PREX2: variants seen among roughly 807,000 people sequenced by gnomAD.
The protein encoded by PREX2 is phosphatidylinositol-3,4,5-trisphosphate dependent Rac exchange factor 2, also known as phosphatidylinositol 3,4,5-trisphosphate-dependent Rac exchanger 2 protein.
Under a neutral mutation model 203.2 loss-of-function variants are expected in PREX2, and 107 were observed. The ratio of observed to expected loss-of-function variants is 0.53; its 90% CI spans 0.45 to 0.62. PREX2 has a LOEUF of 0.62. PREX2 is among the 20% of genes least tolerant of loss of function. The pLI is 0.00. For synonymous variants in PREX2, 672 were observed against 663.6 expected, an observed-to-expected ratio of 1.01 and a Z score of -0.19; for missense variants, 1,777 against 1,955.9, an observed-to-expected ratio of 0.91 and a Z score of 1.72.
intron 27 of PREX2, chr8:68,118,846 AG>A (rs1810710864): frequency 1.4e-6 from 1 of 709,740 alleles, no homozygotes; most frequent in African/African-American, 1.7e-5. Flanking sequence ...TGAGTTAAAA[AG>A]CAATGAAATA....
At chr8:68,129,721 CAT>C (rs988633189) in intron 31 of PREX2, among the ~76,000 whole-genome samples, 18 of 152,036 alleles carry the variant, frequency 1.2e-4, no homozygotes, top group African/African-American at 3.6e-4. Flanking sequence ...TAATTTAAAA[CAT>C]GTGTTAGAAG....
intron 35 of PREX2, among the ~76,000 whole-genome samples, chr8:68,178,133 G>A (rs574663007): frequency 6.6e-6 from 1 of 152,150 alleles, no homozygotes; most frequent in Non-Finnish European, 1.5e-5. Flanking sequence ...ACCTTTGGGT[G>A]TATACCCAGT....
intron 4 of PREX2, among the ~76,000 whole-genome samples, chr8:68,026,808 T>G (rs1486576923): frequency 6.6e-6 from 1 of 152,108 alleles, no homozygotes. Context: ...AGAGCCTGAG[T>G]TAGAACCCAA....
At position 68,047,514 on chromosome 8, in the gene PREX2, C is replaced by CAT. The variant is rs1182364304; in HGVS notation, c.943+2935_943+2936dup. ...ATATATATATATATATATACACATA[C>CAT]ATATATATATATGTATTTTTTTAAG... is the stretch of plus-strand genomic sequence containing the variant. On this transcript the variant is annotated intron_variant, in intron 8 of 39. Transcript: ENST00000288368. 2.1e-3 allele frequency among the ~76,000 whole-genome samples: 197 copies of CAT among 94,226 alleles called. 1 individual carries two copies. The highest frequency in any genetic ancestry group is 6.0e-3 in the African/African-American group (162 of 26,886). 61.8% of individuals were successfully genotyped at this position (94,226 alleles called of 152,430 possible). A position where few individuals can be genotyped will look rare whatever the true frequency, so the allele number is the denominator to read the frequency against.
chr8:68,224,106 C>A (rs551587367), intron 38 of PREX2, among the ~76,000 whole-genome samples: 28 of 152,230 alleles, frequency 1.8e-4, no homozygotes, highest in Admixed American at 6.5e-4. Flanking sequence ...GCAGCCTCAA[C>A]CTCCTAGCCT....
chr8:68,110,363 C>T (rs1451247139), intron 25 of PREX2, among the ~76,000 whole-genome samples: 1 of 152,124 alleles, frequency 6.6e-6, no homozygotes, highest in Non-Finnish European at 1.5e-5. Flanking sequence ...TTCTCATCTA[C>T]AGAAGTGACT....
intron 34 of PREX2, among the ~76,000 whole-genome samples, chr8:68,149,654 T>C (rs910448315): frequency 2.0e-5 from 3 of 152,214 alleles, no homozygotes; most frequent in Non-Finnish European, 4.4e-5. Flanking sequence ...CTAAATTTCC[T>C]GATCTGTCAG....
intron 35 of PREX2, among the ~76,000 whole-genome samples, chr8:68,180,111 T>A (rs1381682680): frequency 6.6e-6 from 1 of 152,164 alleles, no homozygotes; most frequent in African/African-American, 2.4e-5. Flanking sequence ...CTATTGTTCA[T>A]ACCTCCCCCT....
chr8:68,197,827 T>C (rs1449629910), intron 37 of PREX2, among the ~76,000 whole-genome samples: 1 of 149,582 alleles, frequency 6.7e-6, no homozygotes, highest in Admixed American at 6.7e-5. Flanking sequence ...TATATACATA[T>C]AAAATGAGCA....
chr8:68,055,444 T>A (rs1808647967), intron 9 of PREX2, among the ~76,000 whole-genome samples: 2 of 133,990 alleles, frequency 1.5e-5, no homozygotes, highest in Middle Eastern at 7.0e-3. Context: ...TGAGTATGCC[T>A]CTATTATATT....
At chr8:68,072,460 T>C in intron 13 of PREX2, 35 bp from the exon 14 acceptor site, 2 of 1,282,572 alleles carry the variant, frequency 1.6e-6, no homozygotes, top group Non-Finnish European at 2.2e-6. Flanking sequence ...TAATTTTTGT[T>C]TTTTGTTTGT....
chr8:68,169,216 C>T (rs550459775), intron 35 of PREX2, among the ~76,000 whole-genome samples: 3 of 152,214 alleles, frequency 2.0e-5, no homozygotes, highest in Admixed American at 2.0e-4. Context: ...GGTGAAACCA[C>T]CATTCCTTTC....
At chr8:68,177,032 C>G (rs1407054277) in intron 35 of PREX2, 2 of 152,596 alleles carry the variant, frequency 1.3e-5, no homozygotes, top group African/African-American at 4.8e-5. Context: ...GGATTTAGCC[C>G]AAAGACAGAA....
intron 30 of PREX2, among the ~76,000 whole-genome samples, chr8:68,124,137 A>G (rs1464517614): frequency 6.6e-6 from 1 of 152,122 alleles, no homozygotes; most frequent in African/African-American, 2.4e-5. Context: ...AATGTGGTTC[A>G]TCATATAAAC....
intron 34 of PREX2, among the ~76,000 whole-genome samples, chr8:68,148,311 C>T (rs912903700): frequency 4.6e-5 from 7 of 152,098 alleles, no homozygotes; most frequent in African/African-American, 1.4e-4. Flanking sequence ...TAGGGATGGA[C>T]GTTGGTCTGG....
intron 35 of PREX2, among the ~76,000 whole-genome samples, chr8:68,163,521 A>G (rs1811693593): frequency 6.6e-6 from 1 of 152,214 alleles, no homozygotes; most frequent in Non-Finnish European, 1.5e-5. Flanking sequence ...GGTAGCTTTT[A>G]ATTTAGTGTC....
intron 1 of PREX2, among the ~76,000 whole-genome samples, chr8:67,956,451 C>T (rs1334061743): frequency 6.6e-6 from 1 of 152,204 alleles, no homozygotes; most frequent in Non-Finnish European, 1.5e-5. Flanking sequence ...TTATCTTTGA[C>T]CTTGTGTTTT....
intron 1 of PREX2, among the ~76,000 whole-genome samples, chr8:67,953,958 G>A (rs1805426294): frequency 6.6e-6 from 1 of 152,140 alleles, no homozygotes; most frequent in African/African-American, 2.4e-5. Context: ...AAGAATCTGA[G>A]TCATTTCTTA....
At chr8:67,996,381 A>G (rs1450035257) in intron 1 of PREX2, among the ~76,000 whole-genome samples, 2 of 151,798 alleles carry the variant, frequency 1.3e-5, no homozygotes, top group Non-Finnish European at 2.9e-5. Context: ...TTTTAAATAA[A>G]TGGAGTCTCA....
Sources: allele counts gnomAD v4.1 joint callset (sites outside exome capture counted in the v4.1 genomes callset), GRCh38; gene constraint gnomAD v4.1.1; transcripts MANE v1.5; gene names NCBI Gene and HGNC (gene_info 2026-07-23, HGNC 2026-07-21).